Variants in BCL2A1 observed in about 807,000 individuals in gnomAD.
BCL2A1 encodes the protein BCL2 related protein A1.
In BCL2A1, 10 loss-of-function variants were observed where a neutral mutation model predicts 14.4. That is an observed-to-expected ratio of 0.69 (90% confidence interval 0.43 to 1.18). The LOEUF is 1.18. Among genes scored for constraint, BCL2A1 ranks in the 50% most tolerant of loss-of-function variants. The pLI is 0.00. For missense variants in BCL2A1, 158 were observed against 205.0 expected (o/e 0.77, Z 1.40); for synonymous variants, 71 against 76.5 (o/e 0.93, Z 0.38).
At chr15:79,963,885 C>T (rs1330011641) in intron 1 of BCL2A1, among the ~76,000 whole-genome samples, 3 of 152,106 alleles carry the variant, frequency 2.0e-5, no homozygotes, top group African/African-American at 7.2e-5. Context: ...ATGAAATATT[C>T]TGTAGACATT....
intron 1 of BCL2A1, among the ~76,000 whole-genome samples, chr15:79,966,817 A>AGCAGGAAG (rs147934515): frequency 6.9e-6 from 1 of 145,376 alleles, no homozygotes; most frequent in Non-Finnish European, 1.5e-5. Flanking sequence ...AAGGCAGGAA[A>AGCAGGAAG]GCAGGAAGGC....
chr15:79,967,098 C>T (rs759354218), intron 1 of BCL2A1, among the ~76,000 whole-genome samples: 6 of 151,982 alleles, frequency 3.9e-5, no homozygotes, highest in Non-Finnish European at 5.9e-5. Context: ...GGAAACAAGA[C>T]GTAGGGAAGT....
At position 79,970,787 on chromosome 15, in the gene BCL2A1, A is replaced by G. The variant is rs1474286281; in HGVS notation, c.333T>C (p.Asp111=). The G allele has an allele frequency of 2.5e-6, 4 of 1,614,208 alleles. No homozygotes were observed. The highest frequency in any genetic ancestry group is 3.4e-6 in the Non-Finnish European group (4 of 1,180,032). Residue 111 remains aspartate, a synonymous_variant, in exon 1 of 2, where the codon GAT becomes GAC. Transcript: ENST00000267953. ...KKLLRQQIAP[D]VDTYKEISYF... ...ATGAAATCTCCTTATAGGTATCCAC[A>G]TCCGGGGCAATTTGCTGTCGTAGAA...
intron 1 of BCL2A1, among the ~76,000 whole-genome samples, chr15:79,963,391 C>T (rs2141704015): frequency 6.6e-6 from 1 of 152,178 alleles, no homozygotes; most frequent in East Asian, 1.9e-4. Flanking sequence ...ACAGAAAATC[C>T]TCAGGCCCTT....
intron 1 of BCL2A1, among the ~76,000 whole-genome samples, chr15:79,966,839 A>C (rs890913158): frequency 3.3e-5 from 5 of 152,124 alleles, no homozygotes; most frequent in Admixed American, 6.5e-5. Flanking sequence ...GGAAGGCAGG[A>C]AGGAAGGAAA....
intron 1 of BCL2A1, among the ~76,000 whole-genome samples, chr15:79,968,606 G>A (rs555193598): frequency 6.6e-5 from 10 of 152,292 alleles, no homozygotes; most frequent in Admixed American, 3.3e-4. Context: ...CATCATTAGC[G>A]TTAATCAGCA....
At chr15:79,962,542 C>T (rs1466319167) in intron 1 of BCL2A1, among the ~76,000 whole-genome samples, 1 of 152,018 alleles carries the variant, frequency 6.6e-6, no homozygotes, top group East Asian at 1.9e-4. Context: ...ATGAGGCCCT[C>T]TGAAATTATT....
At chr15:79,965,055 CT>C (rs1344224523) in intron 1 of BCL2A1, among the ~76,000 whole-genome samples, 5 of 152,120 alleles carry the variant, frequency 3.3e-5, no homozygotes, top group Non-Finnish European at 7.4e-5. Flanking sequence ...GGATTTTGTG[CT>C]TTTGTTCCCA....
intron 1 of BCL2A1, among the ~76,000 whole-genome samples, chr15:79,965,076 G>A (rs2035527121): frequency 6.6e-6 from 1 of 152,088 alleles, no homozygotes; most frequent in African/African-American, 2.4e-5. Flanking sequence ...AGGGTAAAAG[G>A]GCAGCTTGGA....
chr15:79,969,690 A>T (rs1342690257), intron 1 of BCL2A1, among the ~76,000 whole-genome samples: 1 of 152,246 alleles, frequency 6.6e-6, no homozygotes, highest in Non-Finnish European at 1.5e-5. Context: ...TATATGGTAT[A>T]ACATATATGT....
In BCL2A1 at chr15:79,970,939, C is replaced by T. The variant is rs779060496; in HGVS notation, c.181G>A (p.Val61Ile). Reference sequence around the variant, plus strand: ...GTTCTGGCAGTGTCTACGGACACAACATTAACATTGTCCAAGCATGACTTC... The same window carrying T: ...GTTCTGGCAGTGTCTACGGACACAATATTAACATTGTCCAAGCATGACTTC... Reference protein sequence around the residue: ...NLKSCLDNVNVVSVDTARTLF... With the variant: ...NLKSCLDNVNIVSVDTARTLF... Residue 61 changes from valine (V) to isoleucine (I), a missense_variant, in exon 1 of 2, where the codon GTT becomes ATT. Val to Ile is a conservative substitution (Grantham distance 29). Coordinates refer to ENST00000267953, the MANE Select transcript of BCL2A1 (RefSeq NM_004049.4). The T allele has an allele frequency of 1.9e-6, 3 of 1,614,120 alleles. No individual in the cohort carries two copies. The highest frequency in any genetic ancestry group is 1.3e-5 in the African/African-American group (1 of 74,936).
intron 1 of BCL2A1, among the ~76,000 whole-genome samples, chr15:79,969,537 TATTTTAA>T (rs2035575441): frequency 2.0e-5 from 3 of 152,204 alleles, no homozygotes; most frequent in Admixed American, 2.0e-4. Context: ...TTAATAATAC[TATTTTAA>T]ATAATTCTGG....
chr15:79,968,428 G>T (rs893877677), intron 1 of BCL2A1, among the ~76,000 whole-genome samples: 1 of 152,148 alleles, frequency 6.6e-6, no homozygotes, highest in Admixed American at 6.6e-5. Flanking sequence ...CCTCAGTCAG[G>T]CTCAGTTAGA....
intron 1 of BCL2A1, among the ~76,000 whole-genome samples, chr15:79,969,385 C>T (rs894944982): frequency 1.3e-5 from 2 of 152,082 alleles, no homozygotes; most frequent in African/African-American, 4.8e-5. Context: ...ACTACACACA[C>T]GCACAAGGGA....
At chr15:79,965,975 GA>G (rs1025960506) in intron 1 of BCL2A1, among the ~76,000 whole-genome samples, 4 of 145,242 alleles carry the variant, frequency 2.8e-5, no homozygotes, top group Non-Finnish European at 6.1e-5. Flanking sequence ...AAAAAAAAAA[GA>G]AAAAAAACCT....
At chr15:79,962,708 C>G (rs527327347) in intron 1 of BCL2A1, among the ~76,000 whole-genome samples, 1 of 151,696 alleles carries the variant, frequency 6.6e-6, no homozygotes, top group African/African-American at 2.4e-5. Context: ...CCACCATGCC[C>G]GGCTAATTTT....
intron 1 of BCL2A1, among the ~76,000 whole-genome samples, chr15:79,965,813 G>A (rs1444984675): frequency 3.9e-5 from 6 of 152,084 alleles, no homozygotes; most frequent in African/African-American, 1.4e-4. Flanking sequence ...ACTTGAGATA[G>A]TATCACCTTG....
At chr15:79,961,655 AATTAT>A (rs1309930437) in intron 1 of BCL2A1, among the ~76,000 whole-genome samples, 1 of 152,154 alleles carries the variant, frequency 6.6e-6, no homozygotes, top group East Asian at 1.9e-4. Flanking sequence ...TTGTAATATG[AATTAT>A]ATTATACTGT....
In BCL2A1 at chr15:79,970,839, G is replaced by A. The variant is rs2141709194; in HGVS notation, c.281C>T (p.Ala94Val). The A allele has an allele frequency of 6.8e-6, 11 of 1,614,178 alleles. No individual in the cohort carries two copies. Among genetic ancestry groups the A allele is most frequent in the Non-Finnish European group, 8.5e-6 (10 of 1,180,034 alleles). ...TTTCTTGATGAGAATACCTTCAAAT[G>A]CAAATATGGTTACAATTCTTCCCCA... ...INWGRIVTIF[A>V]FEGILIKKLL... The change falls in exon 1 of 2, where the codon GCA becomes GTA. Residue 94 changes from alanine (A) to valine (V), a missense_variant. By Grantham distance (64) the Ala-to-Val change is moderately conservative. Coordinates refer to ENST00000267953, the MANE Select transcript of BCL2A1 (RefSeq NM_004049.4).
Sources: allele counts gnomAD v4.1 joint callset (sites outside exome capture counted in the v4.1 genomes callset), GRCh38; gene constraint gnomAD v4.1.1; transcripts MANE v1.5; gene names NCBI Gene and HGNC (gene_info 2026-07-23, HGNC 2026-07-21).